The following RFX3 variants were observed in gnomAD, a reference collection of about 807,000 sequenced individuals.
The protein encoded by RFX3 is transcription factor RFX3.
Under a neutral mutation model 98.6 loss-of-function variants are expected in RFX3, and 14 were observed. That is an observed-to-expected ratio of 0.14 (90% CI 0.09 to 0.22). The LOEUF (loss-of-function observed/expected upper bound fraction) is 0.22, where lower values mean the gene tolerates loss of function less well. RFX3 is among the 10% of genes least tolerant of loss of function. RFX3 has a pLI of 1.00. For missense variants in RFX3, 639 were observed against 926.9 expected, an observed-to-expected ratio of 0.69 and a Z score of 4.03; for synonymous variants, 383 against 328.4, an observed-to-expected ratio of 1.17 and a Z score of -1.80.
intron 9 of RFX3, among the ~76,000 whole-genome samples, chr9:3,273,455 T>C (rs1203512927): frequency 2.0e-5 from 3 of 152,206 alleles, no homozygotes; most frequent in Non-Finnish European, 2.9e-5. Flanking sequence ...TCAAAGACTA[T>C]TTCAACCTTA....
chr9:3,269,451 C>T (rs1824086044), intron 11 of RFX3, among the ~76,000 whole-genome samples: 1 of 152,034 alleles, frequency 6.6e-6, no homozygotes, highest in Non-Finnish European at 1.5e-5. Context: ...ACTTCACAAG[C>T]TATATGCTTG....
intron 5 of RFX3, among the ~76,000 whole-genome samples, chr9:3,294,526 T>C (rs1035027248): frequency 6.6e-6 from 1 of 152,134 alleles, no homozygotes; most frequent in African/African-American, 2.4e-5. Context: ...ATATGGACAT[T>C]TAAATAAATA....
rs138370574 is a variant in RFX3, at chr9:3,343,014, C to G, written c.215+3653G>C. On this transcript the variant is annotated intron_variant, in intron 3 of 16. Transcript: ENST00000617270. ...CTCAGTTGTTTAATTGAAATGTACA[C>G]TCACTCACTAACCCACACTGTTAAG... Among the ~76,000 whole-genome samples the G allele has an allele frequency of 4.7e-4, 71 of 152,332 alleles. 1 individual carries two copies. In the East Asian group the frequency reaches 0.013, roughly 29 times the overall value.
chr9:3,468,501 T>C (rs1848501617), intron 1 of RFX3, among the ~76,000 whole-genome samples: 1 of 152,206 alleles, frequency 6.6e-6, no homozygotes, highest in African/African-American at 2.4e-5. Context: ...GAGAGAAACT[T>C]TGCTGTCAAT....
intron 15 of RFX3, among the ~76,000 whole-genome samples, chr9:3,238,262 T>C (rs2130815190): frequency 6.6e-6 from 1 of 152,244 alleles, no homozygotes; most frequent in Non-Finnish European, 1.5e-5. Flanking sequence ...AGTCTAAGAA[T>C]GGAAGGGTAA....
chr9:3,255,208 A>T (rs752154676), intron 14 of RFX3, among the ~76,000 whole-genome samples: 4 of 152,252 alleles, frequency 2.6e-5, no homozygotes, highest in Non-Finnish European at 4.4e-5. Context: ...AGTCACTTAT[A>T]ATAAAACCAA....
At position 3,218,759 on chromosome 9, in the gene RFX3, C is replaced by T. The variant is rs1817197132; in HGVS notation, c.*6283G>A. ...CATTATCTCACACATACAATCTCTA[C>T]AAAAGTTGCTTACCTCATTTACATA... On this transcript the variant is annotated 3_prime_UTR_variant, in exon 17 of 17. Coordinates refer to ENST00000617270, the MANE Select transcript of RFX3 (RefSeq NM_001282116.2). 6.6e-6 allele frequency: 1 copy of T among 152,124 alleles called. No homozygotes were observed. The highest frequency in any genetic ancestry group is 1.5e-5 in the Non-Finnish European group (1 of 68,010). 9.4% of individuals were successfully genotyped at this position (152,124 alleles called of 1,614,324 possible). A position where few individuals can be genotyped will look rare whatever the true frequency, so the allele number is the denominator to read the frequency against.
chr9:3,517,497 C>T (rs1259977968), intron 1 of RFX3, among the ~76,000 whole-genome samples: 1 of 152,162 alleles, frequency 6.6e-6, no homozygotes, highest in Non-Finnish European at 1.5e-5. Flanking sequence ...TTACCCAATA[C>T]CTCATTTTTG....
At chr9:3,388,936 G>T (rs575633285) in intron 2 of RFX3, among the ~76,000 whole-genome samples, 2 of 152,102 alleles carry the variant, frequency 1.3e-5, no homozygotes, top group South Asian at 4.2e-4. Flanking sequence ...CCAAGAAAGA[G>T]GTAAGACAGA....
intron 2 of RFX3, among the ~76,000 whole-genome samples, chr9:3,366,650 T>C (rs1837113238): frequency 1.3e-5 from 2 of 151,304 alleles, no homozygotes; most frequent in African/African-American, 4.9e-5. Context: ...TTTCTTTCTT[T>C]CCTTTCCTTT....
intron 2 of RFX3, among the ~76,000 whole-genome samples, chr9:3,362,900 T>C (rs1015792967): frequency 6.6e-6 from 1 of 152,184 alleles, no homozygotes; most frequent in Non-Finnish European, 1.5e-5. Flanking sequence ...GCAGGAATGT[T>C]ACTCAGGAAA....
chr9:3,396,613 C>T (rs568048616), intron 1 of RFX3, among the ~76,000 whole-genome samples: 1 of 149,698 alleles, frequency 6.7e-6, no homozygotes, highest in East Asian at 2.0e-4. Flanking sequence ...GAGGAATCGC[C>T]ACACTGACTT....
chr9:3,369,535 T>C (rs1167217989), intron 2 of RFX3, among the ~76,000 whole-genome samples: 1 of 152,316 alleles, frequency 6.6e-6, no homozygotes, highest in East Asian at 1.9e-4. Flanking sequence ...TTCATGACTT[T>C]CTTACTTCAT....
chr9:3,335,559 G>A (rs1833074934), intron 3 of RFX3, among the ~76,000 whole-genome samples: 1 of 152,114 alleles, frequency 6.6e-6, no homozygotes, highest in African/African-American at 2.4e-5. Flanking sequence ...GTACATTCCT[G>A]AAATAGATAA....
At chr9:3,510,221 T>C (rs565395043) in intron 1 of RFX3, among the ~76,000 whole-genome samples, 1 of 151,832 alleles carries the variant, frequency 6.6e-6, no homozygotes, top group African/African-American at 2.4e-5. Flanking sequence ...AGTTGGCCAC[T>C]GAGAAAGAAA....
At chr9:3,317,664 A>C (rs1830783598) in intron 4 of RFX3, among the ~76,000 whole-genome samples, 1 of 152,248 alleles carries the variant, frequency 6.6e-6, no homozygotes, top group South Asian at 2.1e-4. Flanking sequence ...AACTTAAAAC[A>C]AATTTACAAG....
intron 1 of RFX3, among the ~76,000 whole-genome samples, chr9:3,493,700 A>AAAAT (rs398010211): frequency 8.4e-5 from 6 of 71,804 alleles, no homozygotes; most frequent in East Asian, 4.6e-4. Context: ...AAAAAAAAAA[A>AAAAT]ATATATATAT....
chr9:3,317,585 C>T (rs1210343401), intron 4 of RFX3, among the ~76,000 whole-genome samples: 3 of 152,164 alleles, frequency 2.0e-5, no homozygotes, highest in Non-Finnish European at 2.9e-5. Flanking sequence ...AACAGACAAC[C>T]TACAGAATGG....
At chr9:3,324,601 G>A (rs7853948) in intron 4 of RFX3, among the ~76,000 whole-genome samples, 14,988 of 119,734 alleles carry the variant, frequency 0.13, 2,264 homozygotes, top group African/African-American at 0.4. Context: ...AAAAAAAAAA[G>A]AGAGAGGGAG....
Sources: gnomAD v4.1 joint callset for allele counts (sites outside exome capture counted in the v4.1 genomes callset) on GRCh38, gnomAD v4.1.1 for gene constraint, MANE v1.5 for transcripts, NCBI Gene and HGNC (gene_info 2026-07-23, HGNC 2026-07-21) for gene names.